The following STPG2 variants were observed in gnomAD, a reference collection of about 807,000 sequenced individuals.
STPG2 encodes the protein sperm-tail PG-rich repeat-containing protein 2.
A neutral mutation model predicts 54.2 loss-of-function variants in STPG2; 56 were observed. The observed-to-expected ratio is 1.03, with a 90% CI of 0.83 to 1.29. The LOEUF (loss-of-function observed/expected upper bound fraction) is 1.29, where lower values mean the gene tolerates loss of function less well. Among genes scored for constraint, STPG2 ranks in the 50% most tolerant of loss-of-function variants. The probability of loss-of-function intolerance (pLI) is 0.00; values close to 1 mark genes in which losing one functional copy is unlikely to be tolerated. For synonymous variants in STPG2, 200 were observed against 181.8 expected (o/e 1.10, Z -0.81); for missense variants, 596 against 544.9 (o/e 1.09, Z -0.93).
intron 9 of STPG2, among the ~76,000 whole-genome samples, chr4:97,768,930 T>A (rs1348980059): frequency 6.6e-6 from 1 of 151,918 alleles, no homozygotes; most frequent in African/African-American, 2.4e-5. Context: ...TCGATGGTGG[T>A]CTCTTACCAG....
At chr4:97,691,877 C>T (rs1723377094) in intron 10 of STPG2, among the ~76,000 whole-genome samples, 1 of 152,084 alleles carries the variant, frequency 6.6e-6, no homozygotes, top group Admixed American at 6.6e-5. Flanking sequence ...AGACTCTTTG[C>T]AGACATCCCC....
chr4:97,739,915 G>A (rs1283537564), intron 9 of STPG2, among the ~76,000 whole-genome samples: 1 of 151,912 alleles, frequency 6.6e-6, no homozygotes, highest in Non-Finnish European at 1.5e-5. Flanking sequence ...AACAAAAAAA[G>A]AGAATTTTAG....
At chr4:97,945,968 A>G (rs758622075) in intron 7 of STPG2, among the ~76,000 whole-genome samples, 1 of 152,050 alleles carries the variant, frequency 6.6e-6, no homozygotes, top group Non-Finnish European at 1.5e-5. Flanking sequence ...CTGAGGTAAG[A>G]GGATCCCTGG....
intron 4 of STPG2, among the ~76,000 whole-genome samples, chr4:97,470,929 G>A (rs1005386859): frequency 1.3e-5 from 2 of 152,090 alleles, no homozygotes; most frequent in African/African-American, 4.8e-5. Flanking sequence ...TGTCAGATTG[G>A]GGATCATCTG....
At chr4:98,044,551 T>G (rs1737066606) in intron 5 of STPG2, among the ~76,000 whole-genome samples, 1 of 151,998 alleles carries the variant, frequency 6.6e-6, no homozygotes, top group African/African-American at 2.4e-5. Flanking sequence ...AGATTTGGGG[T>G]GGGAGAGCAG....
chr4:97,589,226 G>A (rs1257746358), intron 10 of STPG2, among the ~76,000 whole-genome samples: 2 of 151,086 alleles, frequency 1.3e-5, no homozygotes, highest in Admixed American at 6.6e-5. Flanking sequence ...TTTATTTGCT[G>A]AATAAAATCA....
At chr4:97,710,587 T>C (rs1453305129) in intron 10 of STPG2, among the ~76,000 whole-genome samples, 2 of 152,064 alleles carry the variant, frequency 1.3e-5, no homozygotes, top group Admixed American at 6.6e-5. Context: ...ATTTCTAGAA[T>C]TATCTTTTCC....
chr4:97,516,888 A>G (rs1731087208), intron 4 of STPG2, among the ~76,000 whole-genome samples: 1 of 151,814 alleles, frequency 6.6e-6, no homozygotes, highest in South Asian at 2.1e-4. Flanking sequence ...GAGAGAGCAT[A>G]TATTCATACA....
chr4:97,547,475 G>C (rs1731859249), intron 4 of STPG2, among the ~76,000 whole-genome samples: 1 of 152,146 alleles, frequency 6.6e-6, no homozygotes, highest in Non-Finnish European at 1.5e-5. Context: ...CTCCCAAAGT[G>C]CTGGGATTAC....
chr4:98,013,212 G>A (rs1483749215), intron 5 of STPG2, among the ~76,000 whole-genome samples: 1 of 152,188 alleles, frequency 6.6e-6, no homozygotes, highest in African/African-American at 2.4e-5. Flanking sequence ...AGATAATCGT[G>A]TGGTTTTTGT....
chr4:97,974,358 G>C (rs1734434249), intron 6 of STPG2, among the ~76,000 whole-genome samples: 1 of 152,166 alleles, frequency 6.6e-6, no homozygotes, highest in South Asian at 2.1e-4. Context: ...TGTCTTAAAT[G>C]ATACTTTGGA....
chr4:97,619,303 A>C (rs1733948216), intron 10 of STPG2, among the ~76,000 whole-genome samples: 1 of 152,084 alleles, frequency 6.6e-6, no homozygotes, highest in Admixed American at 6.6e-5. Flanking sequence ...CTCAAAATTC[A>C]AATGAAAACC....
chr4:97,726,862 C>G (rs900447325), intron 9 of STPG2, among the ~76,000 whole-genome samples: 25 of 151,670 alleles, frequency 1.6e-4, no homozygotes, highest in Admixed American at 2.6e-4. Flanking sequence ...CACACACACA[C>G]AGAGAATATA....
intron 5 of STPG2, among the ~76,000 whole-genome samples, chr4:97,993,545 ATT>A (rs71588926): frequency 2.8e-4 from 40 of 142,216 alleles, no homozygotes; most frequent in Middle Eastern, 3.7e-3. Context: ...TTTCTTTTCT[ATT>A]TTTTTTTTTT....
intron 9 of STPG2, among the ~76,000 whole-genome samples, chr4:97,757,280 C>G (rs545866081): frequency 6.6e-6 from 1 of 152,122 alleles, no homozygotes; most frequent in Non-Finnish European, 1.5e-5. Context: ...GCCTCCCAGA[C>G]CTTCCCCCCA....
chr4:97,588,909 A>G (rs895863433), intron 10 of STPG2, among the ~76,000 whole-genome samples: 6 of 152,106 alleles, frequency 3.9e-5, no homozygotes, highest in Non-Finnish European at 1.5e-5. Flanking sequence ...TTTAATTTGT[A>G]TAGTTTTACA....
At chr4:97,590,622 T>TACACACAG (rs1229095363) in intron 10 of STPG2, among the ~76,000 whole-genome samples, 13 of 113,422 alleles carry the variant, frequency 1.1e-4, no homozygotes, top group Non-Finnish European at 1.9e-4. Flanking sequence ...TTGGCCTACA[T>TACACACAG]ACACACAGAC....
At chr4:97,648,913 T>C (rs1405967989) in intron 10 of STPG2, among the ~76,000 whole-genome samples, 1 of 152,162 alleles carries the variant, frequency 6.6e-6, no homozygotes, top group Non-Finnish European at 1.5e-5. Context: ...ATTACTTTAA[T>C]TAGCTAAATT....
chr4:97,977,788 ACT>A (rs1178211933), intron 6 of STPG2, among the ~76,000 whole-genome samples: 2 of 152,108 alleles, frequency 1.3e-5, no homozygotes, highest in East Asian at 3.8e-4. Flanking sequence ...CTATAACCAA[ACT>A]CTAAAATCTG....
Sources: gnomAD v4.1 joint callset for allele counts (sites outside exome capture counted in the v4.1 genomes callset) on GRCh38, gnomAD v4.1.1 for gene constraint, MANE v1.5 for transcripts, NCBI Gene and HGNC (gene_info 2026-07-23, HGNC 2026-07-21) for gene names.